KCNK3: variants seen among roughly 807,000 people sequenced by gnomAD.
The protein encoded by KCNK3 is potassium channel subfamily K member 3.
KCNK3 carries 9 observed loss-of-function variants against 27.3 expected under a neutral mutation model. The ratio of observed to expected loss-of-function variants is 0.33; its 90% CI spans 0.20 to 0.57. KCNK3 has a LOEUF of 0.57. Among genes scored for constraint, KCNK3 ranks in the 20% least tolerant of loss-of-function variants. The probability of loss-of-function intolerance (pLI) is 0.87; values close to 1 mark genes in which losing one functional copy is unlikely to be tolerated. For synonymous variants in KCNK3, 278 were observed against 273.8 expected (o/e 1.02, Z -0.15); for missense variants, 391 against 577.7 (o/e 0.68, Z 3.31).
intron 1 of KCNK3, among the ~76,000 whole-genome samples, chr2:26,709,034 T>A (rs1663050950): frequency 6.6e-6 from 1 of 152,038 alleles, no homozygotes; most frequent in South Asian, 2.1e-4. Context: ...CTGTAGGAGT[T>A]GGGGGAAGAG....
chr2:26,702,764 G>A (rs951028496), intron 1 of KCNK3, among the ~76,000 whole-genome samples: 9 of 152,142 alleles, frequency 5.9e-5, no homozygotes, highest in Non-Finnish European at 1.3e-4. Context: ...AGGAATTGGT[G>A]TATAGGCTGG....
At chr2:26,703,135 G>T (rs980138751) in intron 1 of KCNK3, among the ~76,000 whole-genome samples, 1 of 152,108 alleles carries the variant, frequency 6.6e-6, no homozygotes, top group Non-Finnish European at 1.5e-5. Context: ...AGAAGGGCAG[G>T]CCGGAGCTCT....
Position 26,693,099 on chromosome 2 carries a change from G to A in KCNK3, c.224G>A (p.Gly75Asp). 4 of 1,597,440 alleles carry A rather than the reference G, an allele frequency of 2.5e-6. No individual in the cohort carries two copies. Among genetic ancestry groups the A allele is most frequent in the Non-Finnish European group, 3.4e-6 (4 of 1,171,982 alleles). Residue 75 changes from glycine (G) to aspartate (D), a missense_variant, in exon 1 of 2, where the codon GGC becomes GAC. Transcript: ENST00000302909. This position sits in a 1 kb window ranked among gnomAD's most constrained non-coding sequence, Gnocchi z 5.5. ...VVLRLKPHKA[G>D]VQWRFAGSFY... ...CTGCGCCTCAAGCCGCACAAGGCCGGCGTGCAGTGGCGCTTCGCCGGCTCC... is the reference window on the plus strand; with the variant it reads ...CTGCGCCTCAAGCCGCACAAGGCCGACGTGCAGTGGCGCTTCGCCGGCTCC...
chr2:26,722,375 T>C (rs1021370473), intron 1 of KCNK3, among the ~76,000 whole-genome samples: 1 of 152,340 alleles, frequency 6.6e-6, no homozygotes, highest in South Asian at 2.1e-4. Context: ...CCCCAAAATA[T>C]TCATATTAAT....
intron 1 of KCNK3, among the ~76,000 whole-genome samples, chr2:26,702,847 G>A (rs938512207): frequency 2.6e-5 from 4 of 152,124 alleles, no homozygotes; most frequent in Admixed American, 6.5e-5. Flanking sequence ...CGGGCGTGGT[G>A]GCTCATGTCT....
chr2:26,724,290 C>T (rs1377990942), intron 1 of KCNK3, among the ~76,000 whole-genome samples: 1 of 152,258 alleles, frequency 6.6e-6, no homozygotes, highest in Non-Finnish European at 1.5e-5. Context: ...CCTCCTGTTA[C>T]CACCTCTGCT....
Position 26,728,230 on chromosome 2 carries a change from G to A in KCNK3, c.847G>A (p.Asp283Asn). The change falls in exon 2 of 2, where the codon GAC becomes AAC. Residue 283 changes from aspartate (D) to asparagine (N), a missense_variant. Physicochemically the swap from Asp to Asn is conservative, Grantham distance 23. Transcript: ENST00000302909. ...GGGGGSAHTT[D>N]TASSTAAAGG... ...AGGGGGTGGCAGCGCGCACACTACG[G>A]ACACCGCCTCATCCACGGCGGCAGC... The A allele has an allele frequency of 6.4e-7, 1 of 1,570,454 alleles. No individual in the cohort carries two copies. Among genetic ancestry groups the A allele is most frequent in the Non-Finnish European group, 8.6e-7 (1 of 1,157,936 alleles).
In KCNK3 at chr2:26,728,234, C is replaced by A; in HGVS notation, c.851C>A (p.Thr284Asn). ...GGTGGCAGCGCGCACACTACGGACACCGCCTCATCCACGGCGGCAGCGGGC... is the reference window on the plus strand; with the variant it reads ...GGTGGCAGCGCGCACACTACGGACAACGCCTCATCCACGGCGGCAGCGGGC... ...GGGGSAHTTD[T>N]ASSTAAAGGG... The change falls in exon 2 of 2, where the codon ACC becomes AAC. Residue 284 changes from threonine to asparagine, a missense_variant. Transcript: ENST00000302909. The A allele has an allele frequency of 6.4e-7, 1 of 1,571,884 alleles. No individual in the cohort carries two copies. The highest frequency in any genetic ancestry group is 8.6e-7 in the Non-Finnish European group (1 of 1,158,828).
chr2:26,716,172 C>A (rs1160374419), intron 1 of KCNK3, among the ~76,000 whole-genome samples: 2 of 152,148 alleles, frequency 1.3e-5, no homozygotes, highest in Non-Finnish European at 2.9e-5. Context: ...AAAAAACTGC[C>A]TTTGAATTTC....
At chr2:26,698,737 C>G (rs1670265920) in intron 1 of KCNK3, among the ~76,000 whole-genome samples, 1 of 152,164 alleles carries the variant, frequency 6.6e-6, no homozygotes, top group Non-Finnish European at 1.5e-5. Context: ...CCCCCATCTC[C>G]CCGCTCCTCA....
intron 1 of KCNK3, among the ~76,000 whole-genome samples, chr2:26,703,687 G>T (rs1433958602): frequency 6.6e-6 from 1 of 152,196 alleles, no homozygotes. Flanking sequence ...GAAAAACTAA[G>T]ACCTAGAGCC....
In KCNK3 at chr2:26,721,243, G is replaced by C. The variant is rs770203417; in HGVS notation, c.284-6424G>C. On this transcript the variant is annotated intron_variant, in intron 1 of 1. Coordinates refer to ENST00000302909, the MANE Select transcript of KCNK3 (RefSeq NM_002246.3). This position sits in a 1 kb window ranked among gnomAD's most constrained non-coding sequence, Gnocchi z 4.3. ...ACATGAGTGCCCAAATACAGGGTGG[G>C]GGCCTGAGAGGGGCAGAGGGAGGAG... is the stretch of plus-strand genomic sequence containing the variant. Among the ~76,000 whole-genome samples the C allele has an allele frequency of 3.9e-5, 6 of 152,118 alleles. No individual in the cohort carries two copies. Among genetic ancestry groups the C allele is most frequent in the Non-Finnish European group, 5.9e-5 (4 of 68,004 alleles).
chr2:26,728,177 C>A lies in KCNK3; in HGVS notation c.794C>A (p.Thr265Lys), dbSNP rs1411638006. ...GACGCCGAGCACCGCGCGCTGCTCA[C>A]GCGCAACGGGCAGGCGGGCGGCGGC... ...KRDAEHRALL[T>K]RNGQAGGGGG... Residue 265 changes from threonine to lysine, a missense_variant, in exon 2 of 2, where the codon ACG becomes AAG. Physicochemically the swap from Thr to Lys is moderately conservative, Grantham distance 78. Transcript: ENST00000302909. 6.4e-7 allele frequency: 1 copy of A among 1,572,964 alleles called. No individual in the cohort carries two copies. The highest frequency in any genetic ancestry group is 8.6e-7 in the Non-Finnish European group (1 of 1,159,184).
At position 26,692,973 on chromosome 2, in the gene KCNK3, C is replaced by A. The variant is rs1281102056; in HGVS notation, c.98C>A (p.Pro33His). 3 of 1,570,318 alleles carry A rather than the reference C, an allele frequency of 1.9e-6. No homozygotes were observed. The highest frequency in any genetic ancestry group is 2.6e-6 in the Non-Finnish European group (3 of 1,162,434). Residue 33 changes from proline (P) to histidine (H), a missense_variant, in exon 1 of 2, where the codon CCC (proline) becomes CAC (histidine). Coordinates refer to ENST00000302909, the MANE Select transcript of KCNK3 (RefSeq NM_002246.3). The surrounding 1 kb of genome is among the most constrained non-coding windows in gnomAD (Gnocchi z 5.6). ...GTCTTCGACGCGCTGGAGTCGGAGC[C>A]CGAGCTGATCGAGCGGCAGCGGCTG... ...AAVFDALESEPELIERQRLEL... is the reference protein window; with the variant it reads ...AAVFDALESEHELIERQRLEL...
At chr2:26,714,293 T>A (rs549552458) in intron 1 of KCNK3, among the ~76,000 whole-genome samples, 2 of 150,986 alleles carry the variant, frequency 1.3e-5, no homozygotes, top group Admixed American at 1.3e-4. Flanking sequence ...GAGGCTGGGG[T>A]CCCAGGTCCA....
Position 26,728,564 on chromosome 2 carries a change from T to C in KCNK3, c.1181T>C (p.Val394Ala). The stretch of plus-strand genomic sequence containing the variant: ...GGCCTCATGAAGCGCAGGAGCTCCG[T>C]GTGACTGCCCCGAGGGGCCTGGAGC... ...FRGLMKRRSS[V>A] Residue 394 changes from valine (V) to alanine (A), a missense_variant, in exon 2 of 2, where the codon GTG becomes GCG. Val to Ala is a moderately conservative substitution (Grantham distance 64). Around this residue, in one of 4 missense-constraint regions of KCNK3, gnomAD observed 192 missense variants for 196.0 expected, o/e 0.98. Coordinates refer to ENST00000302909, the MANE Select transcript of KCNK3 (RefSeq NM_002246.3). The C allele has an allele frequency of 2.1e-6, 3 of 1,443,886 alleles. No individual in the cohort carries two copies. The highest frequency in any genetic ancestry group is 2.7e-6 in the Non-Finnish European group (3 of 1,098,046). The allele number at this position is 1,443,886 out of a possible 1,614,324, so 89.4% of individuals were successfully genotyped here. A position where few individuals can be genotyped will look rare whatever the true frequency, so the allele number is the denominator to read the frequency against.
intron 1 of KCNK3, among the ~76,000 whole-genome samples, chr2:26,707,255 G>A (rs1670387102): frequency 6.6e-6 from 1 of 152,206 alleles, no homozygotes; most frequent in African/African-American, 2.4e-5. Context: ...GCTGCTCACG[G>A]CTCCCACAGT....
chr2:26,724,242 C>T (rs1256078513), intron 1 of KCNK3, among the ~76,000 whole-genome samples: 1 of 152,234 alleles, frequency 6.6e-6, no homozygotes, highest in African/African-American at 2.4e-5. Context: ...CACCCTAAGC[C>T]GGATACTTGG....
At chr2:26,726,359 T>A (rs1404797437) in intron 1 of KCNK3, among the ~76,000 whole-genome samples, 1 of 152,082 alleles carries the variant, frequency 6.6e-6, no homozygotes, top group East Asian at 1.9e-4. Context: ...ATATTGGCCC[T>A]GGAATTACAA....
Sources: gnomAD v4.1 joint callset for allele counts (sites outside exome capture counted in the v4.1 genomes callset) on GRCh38, gnomAD v4.1.1 for gene constraint, gnomAD v4.1.1 regional missense constraint, Gnocchi (gnomAD v3.1) non-coding constraint, MANE v1.5 for transcripts, NCBI Gene and HGNC (gene_info 2026-07-23, HGNC 2026-07-21) for gene names.